Variants in CACNA2D1 observed in about 807,000 individuals in gnomAD.
The protein encoded by CACNA2D1 is calcium voltage-gated channel auxiliary subunit alpha2delta 1.
In CACNA2D1, 53 loss-of-function variants were observed where a neutral mutation model predicts 171.5. The observed-to-expected ratio is 0.31, with a 90% CI of 0.25 to 0.39. The LOEUF (loss-of-function observed/expected upper bound fraction) is 0.39. CACNA2D1 is among the 10% of genes least tolerant of loss of function. CACNA2D1 has a pLI of 1.00. For missense variants in CACNA2D1, 903 were observed against 1,299.8 expected (o/e 0.69, Z 4.69); for synonymous variants, 442 against 443.1 (o/e 1.00, Z 0.03).
intron 4 of CACNA2D1, among the ~76,000 whole-genome samples, chr7:82,156,456 T>C (rs1304481416): frequency 7.2e-5 from 11 of 152,120 alleles, no homozygotes; most frequent in Non-Finnish European, 1.6e-4. Flanking sequence ...AAATCAATCT[T>C]GAAGCAACTC....
chr7:82,268,428 A>T (rs1808198602), intron 3 of CACNA2D1, among the ~76,000 whole-genome samples: 1 of 152,228 alleles, frequency 6.6e-6, no homozygotes, highest in African/African-American at 2.4e-5. Context: ...TACGGAGAGA[A>T]CCTGAAACAT....
intron 1 of CACNA2D1, among the ~76,000 whole-genome samples, chr7:82,413,794 T>C (rs1009337190): frequency 6.6e-6 from 1 of 152,120 alleles, no homozygotes. Context: ...GCTTGAACTA[T>C]GATGGGAAAT....
At chr7:82,112,997 T>A (rs1229911245) in intron 6 of CACNA2D1, among the ~76,000 whole-genome samples, 2 of 152,068 alleles carry the variant, frequency 1.3e-5, no homozygotes, top group East Asian at 1.9e-4. Context: ...CTCATGAAAA[T>A]TGTCTTCTTT....
intron 3 of CACNA2D1, among the ~76,000 whole-genome samples, chr7:82,179,299 C>G (rs2057894): frequency 0.56 from 85,391 of 151,644 alleles, 24,886 homozygotes; most frequent in Non-Finnish European, 0.65. Context: ...GAAGGAATCA[C>G]TGTGGAGAAG....
intron 4 of CACNA2D1, among the ~76,000 whole-genome samples, chr7:82,139,783 T>G (rs1466565034): frequency 2.5e-5 from 3 of 119,250 alleles, no homozygotes; most frequent in South Asian, 3.1e-4. Context: ...GACATTTCCT[T>G]TTTTTTTTTT....
rs1457324101 is a variant in CACNA2D1 at position 82,064,332 on chromosome 7, G to C, written c.751C>G (p.Pro251Ala). 1.9e-6 allele frequency: 3 copies of C among 1,605,420 alleles called. No homozygotes were observed. The African/African-American group carries it at 4.0e-5, about 22-fold the overall frequency. Reference protein sequence around the residue: ...RPWYIQGAASPKDMLILVDVS... With the variant: ...RPWYIQGAASAKDMLILVDVS... Reference sequence around the variant, plus strand: ...TCCACCAGAATAAGCATGTCTTTAGGAGATGCAGCTCCTTGGATGTACCTG... The same window carrying C: ...TCCACCAGAATAAGCATGTCTTTAGCAGATGCAGCTCCTTGGATGTACCTG... Residue 251 changes from proline to alanine, a missense_variant, in exon 9 of 39, where the codon CCT becomes GCT. Physicochemically the swap from Pro to Ala is conservative, Grantham distance 27. Coordinates refer to ENST00000356860, the MANE Select transcript of CACNA2D1 (RefSeq NM_000722.4).
At chr7:81,961,533 A>G (rs984527580) in intron 36 of CACNA2D1, among the ~76,000 whole-genome samples, 1 of 151,512 alleles carries the variant, frequency 6.6e-6, no homozygotes, top group Non-Finnish European at 1.5e-5. Flanking sequence ...AATATATTTA[A>G]TAACTTTATA....
At chr7:81,970,257 T>C (rs1795132507) in intron 27 of CACNA2D1, among the ~76,000 whole-genome samples, 1 of 151,454 alleles carries the variant, frequency 6.6e-6, no homozygotes. Flanking sequence ...TTAATGTTAG[T>C]AAGCATTGGT....
chr7:81,970,006 A>G, intron 27 of CACNA2D1, 22 bp from the exon 28 acceptor site: 1 of 1,365,798 alleles, frequency 7.3e-7, no homozygotes, highest in Non-Finnish European at 1.0e-6. Flanking sequence ...ATGGCTCATC[A>G]TTTGTATTCT....
At chr7:81,990,914 G>A (rs1797480141) in intron 21 of CACNA2D1, among the ~76,000 whole-genome samples, 1 of 152,150 alleles carries the variant, frequency 6.6e-6, no homozygotes, top group South Asian at 2.1e-4. Flanking sequence ...GTCAGTGAAA[G>A]TGAACCCTAC....
chr7:82,302,050 G>A (rs1032726559), intron 3 of CACNA2D1, among the ~76,000 whole-genome samples: 19 of 152,114 alleles, frequency 1.2e-4, no homozygotes, highest in East Asian at 3.9e-4. Flanking sequence ...ATGAGCCACC[G>A]CCTGGCCTAC....
chr7:82,345,243 T>C (rs180904754), intron 2 of CACNA2D1, among the ~76,000 whole-genome samples: 75 of 152,316 alleles, frequency 4.9e-4, no homozygotes, highest in African/African-American at 1.6e-3. Context: ...ATTGAGAGTG[T>C]TGAATGCTCA....
At chr7:82,433,114 G>C (rs1829842909) in intron 1 of CACNA2D1, among the ~76,000 whole-genome samples, 1 of 151,624 alleles carries the variant, frequency 6.6e-6, no homozygotes, top group South Asian at 2.1e-4. Flanking sequence ...CTTGAAGCCG[G>C]AAGGCAGAGA....
intron 14 of CACNA2D1, 88 bp downstream of exon 14, chr7:82,013,373 C>T (rs979895821): frequency 2.5e-5 from 11 of 447,490 alleles, no homozygotes; most frequent in African/African-American, 6.3e-5. Flanking sequence ...TTCATTCTTG[C>T]TAATTTTCTC....
At chr7:82,182,055 G>GTA in intron 3 of CACNA2D1, among the ~76,000 whole-genome samples, 1 of 152,094 alleles carries the variant, frequency 6.6e-6, no homozygotes, top group Middle Eastern at 3.4e-3. Context: ...AATGTACTGT[G>GTA]TATAGTCTTT....
intron 3 of CACNA2D1, among the ~76,000 whole-genome samples, chr7:82,309,781 G>A (rs547574521): frequency 6.6e-6 from 1 of 152,100 alleles, no homozygotes; most frequent in Non-Finnish European, 1.5e-5. Flanking sequence ...TCTGTCCTGG[G>A]TTGTAAACCT....
chr7:82,397,990 T>C (rs1825922677), intron 1 of CACNA2D1, among the ~76,000 whole-genome samples: 1 of 152,196 alleles, frequency 6.6e-6, no homozygotes, highest in African/African-American at 2.4e-5. Context: ...TGGTGAGAGA[T>C]ACCAGTGGGA....
chr7:82,062,824 C>T (rs1807120928), intron 9 of CACNA2D1, among the ~76,000 whole-genome samples: 1 of 149,960 alleles, frequency 6.7e-6, no homozygotes, highest in Non-Finnish European at 1.5e-5. Flanking sequence ...CACTGTAGCC[C>T]CCATCTCCTG....
intron 3 of CACNA2D1, among the ~76,000 whole-genome samples, chr7:82,286,625 C>T (rs1310691099): frequency 6.6e-6 from 1 of 152,140 alleles, no homozygotes; most frequent in Non-Finnish European, 1.5e-5. Context: ...TATTCTGAGG[C>T]AGACACTGAT....
Sources: gnomAD v4.1 joint callset for allele counts (sites outside exome capture counted in the v4.1 genomes callset) on GRCh38, gnomAD v4.1.1 for gene constraint, MANE v1.5 for transcripts, NCBI Gene and HGNC (gene_info 2026-07-23, HGNC 2026-07-21) for gene names.